TSEN2: variants seen among roughly 807,000 people sequenced by gnomAD.
TSEN2 encodes the protein tRNA-splicing endonuclease subunit Sen2.
TSEN2 carries 54 observed loss-of-function variants against 59.2 expected under a neutral mutation model. That is an observed-to-expected ratio of 0.91 (90% CI 0.73 to 1.14). TSEN2 has a LOEUF of 1.14. Among genes scored for constraint, TSEN2 ranks in the 50% most tolerant of loss-of-function variants. The probability of loss-of-function intolerance (pLI) is 0.00; values close to 1 mark genes in which losing one functional copy is unlikely to be tolerated. For synonymous variants in TSEN2, 195 were observed against 198.2 expected (o/e 0.98, Z 0.14); for missense variants, 636 against 576.2 (o/e 1.10, Z -1.06).
At chr3:12,518,173 C>T (rs2056317344) in intron 7 of TSEN2, among the ~76,000 whole-genome samples, 1 of 152,224 alleles carries the variant, frequency 6.6e-6, no homozygotes, top group Admixed American at 6.5e-5. Context: ...TTGACTCCCA[C>T]ATTAAAAACA....
rs757975594 is a variant in TSEN2, at chr3:12,503,546, G to C, written c.593G>C (p.Gly198Ala). Reference sequence around the variant, plus strand: ...TTAGGCTGCCTGCAGGAGGGCTCTGGCTGCCACCCAACAACAGAGAGCTTT... The same window carrying C: ...TTAGGCTGCCTGCAGGAGGGCTCTGCCTGCCACCCAACAACAGAGAGCTTT... The part of the protein sequence containing the change: ...EPLGCLQEGS[G>A]CHPTTESFEK... The change falls in exon 5 of 12, where the codon GGC becomes GCC. Residue 198 changes from glycine (G) to alanine (A), a missense_variant. Gly to Ala is a moderately conservative substitution (Grantham distance 60). Transcript: ENST00000284995. 6.2e-7 allele frequency: 1 copy of C among 1,611,610 alleles called. No homozygotes were observed. Among genetic ancestry groups the C allele is most frequent in the East Asian group, 2.2e-5 (1 of 44,828 alleles).
chr3:12,492,027 GT>G, intron 2 of TSEN2, 108 bp from the exon 3 acceptor site: 2 of 910,562 alleles, frequency 2.2e-6, no homozygotes, highest in Non-Finnish European at 3.6e-6. Context: ...TCCACCAGAG[GT>G]CCTGGAACCA....
downstream of TSEN2, among the ~76,000 whole-genome samples, chr3:12,534,821 AAAG>A (rs1012350799): frequency 2.6e-5 from 4 of 151,106 alleles, no homozygotes; most frequent in Non-Finnish European, 5.9e-5. Context: ...AAAAAAAAAA[AAAG>A]ATTAGCTGGG....
At chr3:12,490,080 C>A in intron 2 of TSEN2, 91 bp downstream of exon 2, 1 of 1,158,044 alleles carries the variant, frequency 8.6e-7, no homozygotes, top group Non-Finnish European at 1.3e-6. Context: ...ACCCCCACAC[C>A]AACCATGAAC....
At chr3:12,480,448 C>T (rs2052177922), upstream of TSEN2, among the ~76,000 whole-genome samples, 1 of 152,102 alleles carries the variant, frequency 6.6e-6, no homozygotes, top group Admixed American at 6.5e-5. Context: ...CTTCCCTGAC[C>T]TCCAACCGAC....
In TSEN2 at chr3:12,522,808, A is replaced by G. The variant is rs561297864; in HGVS notation, c.1099+3611A>G. ...AAGAGGTGATATGGTTCTCAAATCA[A>G]GTGCAGCTGCCAACCTAGTTGACCT... On this transcript the variant is annotated intron_variant, in intron 8 of 11. Transcript: ENST00000284995. Among the ~76,000 whole-genome samples, 7 of 152,308 alleles carry G rather than the reference A, an allele frequency of 4.6e-5. No homozygotes were observed. In the South Asian group the frequency reaches 1.2e-3, roughly 27 times the overall value.
At chr3:12,492,900 A>G (rs1294364040) in intron 3 of TSEN2, among the ~76,000 whole-genome samples, 1 of 152,126 alleles carries the variant, frequency 6.6e-6, no homozygotes, top group African/African-American at 2.4e-5. Flanking sequence ...GTCTAGCAAA[A>G]TTACCTATGC....
intron 7 of TSEN2, among the ~76,000 whole-genome samples, chr3:12,518,587 AT>A (rs2056350710): frequency 1.3e-5 from 2 of 152,080 alleles, no homozygotes; most frequent in African/African-American, 4.8e-5. Context: ...ATAATTTCAG[AT>A]TTTCTGGTAA....
At chr3:12,513,559 G>T (rs1333874740) in intron 6 of TSEN2, among the ~76,000 whole-genome samples, 1 of 152,196 alleles carries the variant, frequency 6.6e-6, no homozygotes, top group Non-Finnish European at 1.5e-5. Flanking sequence ...GAGGCATGGA[G>T]AATTTAAGTG....
At chr3:12,505,118 A>G (rs771374874) in intron 5 of TSEN2, 36 bp from the exon 6 acceptor site, 3 of 1,273,358 alleles carry the variant, frequency 2.4e-6, no homozygotes, top group African/African-American at 1.5e-5. Context: ...TAGTGCTTCC[A>G]TTTGTTCTGT....
At chr3:12,500,857 G>A (rs1194750438) in intron 4 of TSEN2, among the ~76,000 whole-genome samples, 1 of 152,140 alleles carries the variant, frequency 6.6e-6, no homozygotes, top group Non-Finnish European at 1.5e-5. Flanking sequence ...TGACTGCTCT[G>A]CTGCAAAGAG....
chr3:12,481,758 C>T (rs577744746), upstream of TSEN2, among the ~76,000 whole-genome samples: 15 of 152,212 alleles, frequency 9.9e-5, no homozygotes, highest in African/African-American at 3.4e-4. Context: ...AATGCTGTGA[C>T]CAGAGACTCA....
chr3:12,488,839 A>G (rs890635915), intron 1 of TSEN2, among the ~76,000 whole-genome samples: 6 of 152,198 alleles, frequency 3.9e-5, no homozygotes, highest in African/African-American at 1.4e-4. Flanking sequence ...GAGAGAGGGC[A>G]TGGGCTTGGG....
chr3:12,513,491 C>T lies in TSEN2; in HGVS notation c.910-3120C>T, dbSNP rs114277217. On this transcript the variant is annotated intron_variant, in intron 6 of 11. Coordinates refer to ENST00000284995, the MANE Select transcript of TSEN2 (RefSeq NM_025265.4). ...TTTCATAGCTTATTAAATCTTTGTA[C>T]GATTTGATCTTATTAAATATTTAGC... 8.4e-4 allele frequency among the ~76,000 whole-genome samples: 128 copies of T among 152,234 alleles called. No homozygotes were observed. The Middle Eastern group carries it at 0.017, about 20-fold the overall frequency.
At chr3:12,535,858 T>G (rs2125275312), downstream of TSEN2, among the ~76,000 whole-genome samples, 2 of 152,262 alleles carry the variant, frequency 1.3e-5, 1 homozygote, top group Middle Eastern at 6.8e-3. Flanking sequence ...AAAACTCGGG[T>G]CCACATTTCA....
At chr3:12,488,590 C>T (rs2052879303) in intron 1 of TSEN2, among the ~76,000 whole-genome samples, 1 of 152,180 alleles carries the variant, frequency 6.6e-6, no homozygotes, top group Non-Finnish European at 1.5e-5. Context: ...CAGCCAGTTC[C>T]GTTAGCTCCA....
rs558400313 is a variant in TSEN2, at chr3:12,486,340, G to A, written c.-18+1460G>A. On this transcript the variant is annotated intron_variant, in intron 1 of 11. Coordinates refer to ENST00000284995, the MANE Select transcript of TSEN2 (RefSeq NM_025265.4). ...AATGCAGTCTTTTCTCCTCTGCTTT[G>A]CCTTTCGAGTTCAGCACAGGAGGAC... is the stretch of plus-strand genomic sequence containing the variant. 7.5e-4 allele frequency among the ~76,000 whole-genome samples: 114 copies of A among 152,294 alleles called. 1 individual carries two copies. The highest frequency in any genetic ancestry group is 1.2e-3 in the Non-Finnish European group (82 of 68,032).
chr3:12,537,321 C>A (rs1386082921), downstream of TSEN2, among the ~76,000 whole-genome samples: 1 of 151,752 alleles, frequency 6.6e-6, no homozygotes, highest in African/African-American at 2.4e-5. Context: ...ATTGCCTGAG[C>A]CCAGGAGGTT....
intron 6 of TSEN2, among the ~76,000 whole-genome samples, chr3:12,516,386 C>T (rs2125136623): frequency 6.6e-6 from 1 of 152,032 alleles, no homozygotes; most frequent in Middle Eastern, 3.4e-3. Context: ...AGATGTGCCA[C>T]CGCACTCCAG....
Sources: allele counts gnomAD v4.1 joint callset (sites outside exome capture counted in the v4.1 genomes callset), GRCh38; gene constraint gnomAD v4.1.1; transcripts MANE v1.5; gene names NCBI Gene and HGNC (gene_info 2026-07-23, HGNC 2026-07-21).